The following RREB1 variants were observed in gnomAD, a reference collection of about 807,000 sequenced individuals.
RREB1 encodes the protein ras responsive element binding protein 1.
Under a neutral mutation model 117.8 loss-of-function variants are expected in RREB1, and 27 were observed. The ratio of observed to expected loss-of-function variants is 0.23; its 90% confidence interval spans 0.17 to 0.32. The LOEUF (loss-of-function observed/expected upper bound fraction) is 0.32. RREB1 is among the 10% of genes least tolerant of loss of function. RREB1 has a pLI of 1.00. For missense variants in RREB1, 2,577 were observed against 2,378.2 expected, an observed-to-expected ratio of 1.08 and a Z score of -1.74; for synonymous variants, 1,298 against 1,026.7, an observed-to-expected ratio of 1.26 and a Z score of -5.05.
intron 11 of RREB1, among the ~76,000 whole-genome samples, chr6:7,245,408 A>G (rs1339829422): frequency 1.3e-5 from 2 of 152,164 alleles, no homozygotes; most frequent in Non-Finnish European, 2.9e-5. Flanking sequence ...AAAATAATAA[A>G]AACTAAATCA....
chr6:7,178,150 A>G (rs1313625364), intron 2 of RREB1, among the ~76,000 whole-genome samples: 1 of 152,174 alleles, frequency 6.6e-6, no homozygotes, highest in Non-Finnish European at 1.5e-5. Context: ...GTGAGCCACC[A>G]CACCTGGCCT....
Position 7,249,069 on chromosome 6 carries a change from G to C in RREB1, c.*101G>C. On this transcript the variant is annotated 3_prime_UTR_variant, in exon 13 of 13. Coordinates refer to ENST00000379938, the MANE Select transcript of RREB1 (RefSeq NM_001003699.4). ...CCTTTGGCTGTTGAGGAGTGAGAGA[G>C]AGAGAGAGAGAGAGAGAGAGAGAGA... The C allele has an allele frequency of 6.1e-6, 1 of 165,148 alleles. No homozygotes were observed. Among genetic ancestry groups the C allele is most frequent in the Non-Finnish European group, 9.1e-6 (1 of 109,546 alleles). 10.2% of individuals were successfully genotyped at this position (165,148 alleles called of 1,614,324 possible).
chr6:7,169,049 A>G (rs1764092190), intron 1 of RREB1, among the ~76,000 whole-genome samples: 1 of 150,174 alleles, frequency 6.7e-6, no homozygotes, highest in African/African-American at 2.4e-5. Flanking sequence ...ATATAATTGG[A>G]TGCACATTAG....
rs139084738 is a variant in RREB1, at chr6:7,209,279, T to C, written c.426-1525T>C. ...TTTGTTAATTAAAATTAATTTTGAG[T>C]AATTTATTGAAAGGGCAGGTTTGAT... is the stretch of plus-strand genomic sequence containing the variant. On this transcript the variant is annotated intron_variant, in intron 6 of 12. Coordinates refer to ENST00000379938, the MANE Select transcript of RREB1 (RefSeq NM_001003699.4). 3.2e-4 allele frequency among the ~76,000 whole-genome samples: 48 copies of C among 152,286 alleles called. 2 individuals carry two copies. The East Asian group carries it at 9.2e-3, about 29-fold the overall frequency.
At chr6:7,148,452 C>A (rs1294846808) in intron 1 of RREB1, among the ~76,000 whole-genome samples, 5 of 149,760 alleles carry the variant, frequency 3.3e-5, no homozygotes, top group African/African-American at 1.2e-4. Context: ...TTAAAACTGC[C>A]TGTGTATCCA....
intron 6 of RREB1, among the ~76,000 whole-genome samples, chr6:7,199,089 G>A (rs1367286037): frequency 1.3e-5 from 2 of 152,080 alleles, no homozygotes; most frequent in Non-Finnish European, 2.9e-5. Flanking sequence ...TTGAAACCTG[G>A]GTGCTTTTGT....
At chr6:7,221,972 G>C (rs1767286980) in intron 8 of RREB1, among the ~76,000 whole-genome samples, 1 of 152,160 alleles carries the variant, frequency 6.6e-6, no homozygotes, top group African/African-American at 2.4e-5. Flanking sequence ...GTACTTTGCA[G>C]TTTTCAAAGC....
At chr6:7,236,940 G>A (rs986029006) in intron 10 of RREB1, among the ~76,000 whole-genome samples, 1 of 115,428 alleles carries the variant, frequency 8.7e-6, no homozygotes, top group Admixed American at 1.2e-4. Flanking sequence ...TGTCACCCAA[G>A]CTAGAGTGCC....
chr6:7,192,971 G>T (rs1405759158), intron 6 of RREB1, among the ~76,000 whole-genome samples: 3 of 152,044 alleles, frequency 2.0e-5, no homozygotes, highest in Admixed American at 6.6e-5. Context: ...ATAAGTTTTT[G>T]TATGTTGTGT....
At chr6:7,146,531 G>A (rs982340623) in intron 1 of RREB1, among the ~76,000 whole-genome samples, 26 of 152,180 alleles carry the variant, frequency 1.7e-4, no homozygotes, top group South Asian at 2.1e-4. Flanking sequence ...TGACTTAGGG[G>A]ACGTCTTGTG....
intron 6 of RREB1, among the ~76,000 whole-genome samples, chr6:7,209,207 C>T (rs1766442830): frequency 1.3e-5 from 2 of 152,102 alleles, no homozygotes; most frequent in Non-Finnish European, 2.9e-5. Context: ...AGTTGTCAAC[C>T]TCTAATTTTT....
Position 7,110,805 on chromosome 6 carries a change from T to TGG in RREB1, c.-285+2746_-285+2747dup, listed in dbSNP as rs541171874. On this transcript the variant is annotated intron_variant, in intron 1 of 12. Coordinates refer to ENST00000379938, the MANE Select transcript of RREB1 (RefSeq NM_001003699.4). ...TGTCTTGTTTTTAAAGAGGATTTGC[T>TGG]GGATGTGTAATACTCTTAAGAAATG... 7.9e-5 allele frequency among the ~76,000 whole-genome samples: 12 copies of TGG among 152,344 alleles called. No individual in the cohort carries two copies. In the South Asian group the frequency reaches 2.1e-3, roughly 26 times the overall value.
At chr6:7,174,329 A>G (rs531272144) in intron 1 of RREB1, among the ~76,000 whole-genome samples, 23 of 152,254 alleles carry the variant, frequency 1.5e-4, no homozygotes, top group African/African-American at 5.1e-4. Flanking sequence ...CATTCTCAAT[A>G]TTCAAATCAT....
intron 8 of RREB1, among the ~76,000 whole-genome samples, chr6:7,223,257 T>TTAAA (rs1244799014): frequency 7.2e-5 from 7 of 97,290 alleles, no homozygotes; most frequent in Non-Finnish European, 9.9e-5. Flanking sequence ...ACTCTCTTTT[T>TTAAA]AAAAAAAAAA....
intron 1 of RREB1, among the ~76,000 whole-genome samples, chr6:7,174,101 C>G (rs1764375059): frequency 6.6e-6 from 1 of 151,348 alleles, no homozygotes; most frequent in Admixed American, 6.6e-5. Flanking sequence ...CCCAGGCTTT[C>G]TGTCACACTT....
In RREB1 at chr6:7,231,265, C is replaced by T. The variant is rs748162360; in HGVS notation, c.3166C>T (p.Pro1056Ser). 2.5e-6 allele frequency: 4 copies of T among 1,611,518 alleles called. No individual in the cohort carries two copies. Among genetic ancestry groups the T allele is most frequent in the Middle Eastern group, 3.3e-4 (2 of 6,078 alleles). Residue 1056 changes from proline (P) to serine (S), a missense_variant, in exon 10 of 13, where the codon CCC (proline) becomes TCC (serine). By Grantham distance (74) the Pro-to-Ser change is moderately conservative. Coordinates refer to ENST00000379938, the MANE Select transcript of RREB1 (RefSeq NM_001003699.4). The part of the protein sequence containing the change: ...RPKPPLLLPK[P>S]PVTEELPPLA... ...CAAGCCCCCGCTGCTTTTGCCAAAG[C>T]CCCCCGTGACAGAAGAGCTGCCCCC... is the stretch of plus-strand genomic sequence containing the variant.
At chr6:7,108,994 C>T (rs541275956) in intron 1 of RREB1, among the ~76,000 whole-genome samples, 7 of 150,444 alleles carry the variant, frequency 4.7e-5, no homozygotes, top group African/African-American at 1.7e-4. Flanking sequence ...TCGTGGGAGC[C>T]CTCGGTGTGG....
Position 7,181,227 on chromosome 6 carries a change from C to T in RREB1, c.-62C>T. ...AGCAGGGGAAAGTTTCATAGTCTAT[C>T]AGTGGGTCAGAAAATGGAGGTAATC... On this transcript the variant is annotated 5_prime_UTR_variant, in exon 3 of 13. The change creates a premature stop within an existing upstream ORF in the 5' untranslated region. Coordinates refer to ENST00000379938, the MANE Select transcript of RREB1 (RefSeq NM_001003699.4). 9 of 398,938 alleles carry T rather than the reference C, an allele frequency of 2.3e-5. No individual in the cohort carries two copies. The highest frequency in any genetic ancestry group is 4.0e-5 in the Non-Finnish European group (9 of 226,366). 24.7% of individuals were successfully genotyped at this position (398,938 alleles called of 1,614,324 possible).
At chr6:7,171,743 A>G (rs1371710323) in intron 1 of RREB1, among the ~76,000 whole-genome samples, 1 of 152,050 alleles carries the variant, frequency 6.6e-6, no homozygotes, top group Non-Finnish European at 1.5e-5. Context: ...GGAATTTGGA[A>G]CCACGAGCCA....
Sources: gnomAD v4.1 joint callset for allele counts (sites outside exome capture counted in the v4.1 genomes callset) on GRCh38, gnomAD v4.1.1 for gene constraint, MANE v1.5 for transcripts, NCBI Gene and HGNC (gene_info 2026-07-23, HGNC 2026-07-21) for gene names.